The following WDPCP variants were observed in gnomAD, a reference collection of about 807,000 sequenced individuals.
The protein encoded by WDPCP is WD repeat-containing and planar cell polarity effector protein fritz homolog.
Under a neutral mutation model 93.1 loss-of-function variants are expected in WDPCP, and 71 were observed. The observed-to-expected ratio is 0.76, with a 90% CI of 0.63 to 0.93. The LOEUF is 0.93. Among genes scored for constraint, WDPCP ranks in the 40% least tolerant of loss-of-function variants. WDPCP has a pLI of 0.00. For missense variants in WDPCP, 844 were observed against 887.4 expected (o/e 0.95, Z 0.62); for synonymous variants, 315 against 315.0 (o/e 1.00, Z 0.00).
chr2:63,724,339 T>G (rs1283872092), intron 2 of WDPCP, among the ~76,000 whole-genome samples: 1 of 151,948 alleles, frequency 6.6e-6, no homozygotes, highest in East Asian at 1.9e-4. Context: ...TCTAAACTAC[T>G]GAAGGGCAAA....
At chr2:63,712,557 A>G (rs1296429441) in intron 2 of WDPCP, among the ~76,000 whole-genome samples, 1 of 152,336 alleles carries the variant, frequency 6.6e-6, no homozygotes, top group East Asian at 1.9e-4. Flanking sequence ...GAATTACTCT[A>G]TGAACTACAT....
chr2:63,506,886 G>A (rs1701911139), intron 1 of WDPCP, among the ~76,000 whole-genome samples: 1 of 151,838 alleles, frequency 6.6e-6, no homozygotes, highest in Admixed American at 6.6e-5. Flanking sequence ...GGAACTCCTG[G>A]AAATAAAAAT....
At chr2:63,333,378 A>AT (rs1004550483) in intron 12 of WDPCP, among the ~76,000 whole-genome samples, 8 of 152,228 alleles carry the variant, frequency 5.3e-5, no homozygotes, top group Non-Finnish European at 7.3e-5. Flanking sequence ...TCTGTAGAGA[A>AT]TCCCCTTTCC....
chr2:63,357,306 T>C (rs1386294919), intron 12 of WDPCP, among the ~76,000 whole-genome samples: 1 of 152,002 alleles, frequency 6.6e-6, no homozygotes, highest in Admixed American at 6.6e-5. Flanking sequence ...TCTGTACAGC[T>C]AAAGAAACCA....
At chr2:63,426,199 G>T (rs192303475) in intron 9 of WDPCP, among the ~76,000 whole-genome samples, 1 of 152,258 alleles carries the variant, frequency 6.6e-6, no homozygotes, top group Non-Finnish European at 1.5e-5. Flanking sequence ...AATTAGCTGG[G>T]CGTGGTGGCG....
At chr2:63,669,117 T>C (rs73934749) in intron 2 of WDPCP, among the ~76,000 whole-genome samples, 13,855 of 152,170 alleles carry the variant, frequency 0.091, 947 homozygotes, top group African/African-American at 0.2. Flanking sequence ...AAGTAGATAG[T>C]GATGTCCCAA....
At chr2:63,170,069 T>C (rs1673273253) in intron 15 of WDPCP, among the ~76,000 whole-genome samples, 3 of 151,534 alleles carry the variant, frequency 2.0e-5, no homozygotes, top group Admixed American at 2.0e-4. Context: ...ATTTTTTTTT[T>C]TTTCAGTAGA....
intron 1 of WDPCP, among the ~76,000 whole-genome samples, chr2:63,546,712 A>C (rs1302231893): frequency 2.0e-5 from 3 of 152,188 alleles, no homozygotes; most frequent in Non-Finnish European, 2.9e-5. Context: ...CAGAGCCCAA[A>C]GCCTTATTTA....
intron 2 of WDPCP, among the ~76,000 whole-genome samples, chr2:63,728,374 C>G (rs1238194736): frequency 6.6e-6 from 1 of 152,100 alleles, no homozygotes; most frequent in Non-Finnish European, 1.5e-5. Flanking sequence ...AAGTGAGGAG[C>G]CTGGGCTCAA....
At chr2:63,223,927 A>C (rs1452082594) in intron 14 of WDPCP, among the ~76,000 whole-genome samples, 3 of 152,008 alleles carry the variant, frequency 2.0e-5, no homozygotes, top group Admixed American at 6.6e-5. Context: ...TCACTATTCA[A>C]TTACTATAGA....
At chr2:63,211,183 T>C (rs976908754) in intron 14 of WDPCP, among the ~76,000 whole-genome samples, 1 of 152,090 alleles carries the variant, frequency 6.6e-6, no homozygotes, top group Admixed American at 6.5e-5. Flanking sequence ...GACCCCCGAG[T>C]AGCCTAACTG....
At chr2:63,417,611 A>C (rs1171415866) in intron 9 of WDPCP, among the ~76,000 whole-genome samples, 10 of 151,582 alleles carry the variant, frequency 6.6e-5, no homozygotes, top group Middle Eastern at 6.9e-3. Context: ...AACAAGAATA[A>C]GCATATAGAG....
At chr2:63,613,483 G>A (rs1407877268) in intron 3 of WDPCP, among the ~76,000 whole-genome samples, 1 of 152,200 alleles carries the variant, frequency 6.6e-6, no homozygotes. Flanking sequence ...GATGGGGGTG[G>A]AGAATGTAAT....
At chr2:63,550,623 C>T (rs958330478) in intron 1 of WDPCP, among the ~76,000 whole-genome samples, 1 of 151,790 alleles carries the variant, frequency 6.6e-6, no homozygotes, top group Non-Finnish European at 1.5e-5. Flanking sequence ...CTTGGGTGAT[C>T]ATATCTGCTT....
chr2:63,213,080 C>G (rs1051928980), intron 14 of WDPCP, among the ~76,000 whole-genome samples: 4 of 152,162 alleles, frequency 2.6e-5, no homozygotes, highest in African/African-American at 9.7e-5. Flanking sequence ...AGAAAGTTAA[C>G]AAAATTATCC....
chr2:63,646,491 G>A (rs1710052070), intron 3 of WDPCP, among the ~76,000 whole-genome samples: 1 of 151,850 alleles, frequency 6.6e-6, no homozygotes, highest in Admixed American at 6.6e-5. Context: ...ACTATTACCA[G>A]CAAGTTTGTA....
At chr2:63,716,230 A>T (rs919859723) in intron 2 of WDPCP, among the ~76,000 whole-genome samples, 1 of 152,182 alleles carries the variant, frequency 6.6e-6, no homozygotes, top group Non-Finnish European at 1.5e-5. Context: ...CTTTCTTTCT[A>T]GTAACTTAAT....
In WDPCP at chr2:63,487,474, G is replaced by T; in HGVS notation, c.181C>A (p.Gln61Lys). 1 of 1,594,422 alleles carries T rather than the reference G, an allele frequency of 6.3e-7. No homozygotes were observed. Among genetic ancestry groups the T allele is most frequent in the South Asian group, 1.1e-5 (1 of 90,518 alleles). The change falls in exon 3 of 18, where the codon CAG becomes AAG. Residue 61 changes from glutamine (Q) to lysine (K), a missense_variant. Coordinates refer to ENST00000272321, the MANE Select transcript of WDPCP (RefSeq NM_015910.7). ...GGTGGATCTTTCTTGTCATAATACT[G>T]GTAGATCCCAATGTCTCTATCTATA... ...HIADRDIGIY[Q>K]YYDKKDPPAT...
chr2:63,693,076 G>A (rs1241266951), intron 2 of WDPCP, among the ~76,000 whole-genome samples: 1 of 152,178 alleles, frequency 6.6e-6, no homozygotes, highest in African/African-American at 2.4e-5. Context: ...TTCAAAGTCA[G>A]AGAGGTGACA....
Sources: allele counts gnomAD v4.1 joint callset (sites outside exome capture counted in the v4.1 genomes callset), GRCh38; gene constraint gnomAD v4.1.1; transcripts MANE v1.5; gene names NCBI Gene and HGNC (gene_info 2026-07-23, HGNC 2026-07-21).